The following CDH12 variants were observed in gnomAD, a reference collection of about 807,000 sequenced individuals.
The protein encoded by CDH12 is cadherin 12.
Under a neutral mutation model 74.1 loss-of-function variants are expected in CDH12, and 41 were observed. The observed-to-expected ratio is 0.55, with a 90% CI of 0.43 to 0.72. The LOEUF is 0.72. CDH12 is among the 30% of genes least tolerant of loss of function. The pLI is 0.00. For synonymous variants in CDH12, 399 were observed against 355.0 expected (o/e 1.12, Z -1.39); for missense variants, 945 against 977.2 (o/e 0.97, Z 0.44).
intron 2 of CDH12, among the ~76,000 whole-genome samples, chr5:22,425,135 TTA>T (rs201689070): frequency 0.027 from 2,653 of 97,980 alleles, 64 homozygotes; most frequent in East Asian, 0.15. Flanking sequence ...ATATGTAAAA[TTA>T]TATATATGTG....
chr5:22,627,127 AAG>A (rs2126850826), intron 1 of CDH12, among the ~76,000 whole-genome samples: 1 of 152,238 alleles, frequency 6.6e-6, no homozygotes, highest in South Asian at 2.1e-4. Context: ...GTATCCCTAA[AAG>A]AGAGGGAGAT....
At chr5:21,753,070 G>A (rs1382471729) in intron 14 of CDH12, among the ~76,000 whole-genome samples, 3 of 152,118 alleles carry the variant, frequency 2.0e-5, no homozygotes, top group Non-Finnish European at 4.4e-5. Flanking sequence ...TACTATGCAT[G>A]AATAGGCACA....
intron 1 of CDH12, among the ~76,000 whole-genome samples, chr5:22,664,039 C>T (rs1258824051): frequency 6.6e-6 from 1 of 151,930 alleles, no homozygotes; most frequent in Non-Finnish European, 1.5e-5. Flanking sequence ...ATGCAGATTA[C>T]CGTGTATTAA....
chr5:22,315,140 T>TTTTTTTTTTTTTTTTG (rs1738574491), intron 3 of CDH12, among the ~76,000 whole-genome samples: 1 of 133,348 alleles, frequency 7.5e-6, no homozygotes, highest in East Asian at 2.2e-4. Context: ...TTTTTTTTTT[T>TTTTTTTTTTTTTTTTG]TTTAGTAGAG....
rs531758661 is a variant in CDH12, at chr5:22,261,933, T to A, written c.-332-49290A>T. On this transcript the variant is annotated intron_variant, in intron 3 of 14. Transcript: ENST00000382254. ...TTTTTACATAGACAACTATGTAAAC[T>A]ATGTCAAGGCCCTATTTAGAGAAAG... is the stretch of plus-strand genomic sequence containing the variant. Among the ~76,000 whole-genome samples the A allele has an allele frequency of 9.9e-5, 15 of 152,172 alleles. No individual in the cohort carries two copies. In the South Asian group the frequency reaches 1.2e-3, roughly 13 times the overall value.
intron 3 of CDH12, among the ~76,000 whole-genome samples, chr5:22,218,979 CTT>C: frequency 6.6e-6 from 1 of 151,784 alleles, no homozygotes; most frequent in South Asian, 2.1e-4. Context: ...CAACTTTAAA[CTT>C]AATGTCCTAG....
At chr5:21,906,161 G>A (rs1010740061) in intron 6 of CDH12, among the ~76,000 whole-genome samples, 3 of 152,006 alleles carry the variant, frequency 2.0e-5, no homozygotes, top group East Asian at 1.9e-4. Context: ...TAGGTTTGAC[G>A]GTGGTCAAGA....
intron 3 of CDH12, among the ~76,000 whole-genome samples, chr5:22,351,871 A>G (rs542508962): frequency 1.3e-5 from 2 of 152,288 alleles, no homozygotes; most frequent in African/African-American, 4.8e-5. Context: ...ATTTTTTCTT[A>G]CTATCAGCTT....
In CDH12 at chr5:22,422,061, C is replaced by T. The variant is rs115308195; in HGVS notation, c.-427-16710G>A. On this transcript the variant is annotated intron_variant, in intron 2 of 14. Transcript: ENST00000382254. The stretch of plus-strand genomic sequence containing the variant: ...AATACTCTTTATTTCTCTTTGAATT[C>T]TCTTTCTTTCTTTCTCTTGCCTGAT... 2.7e-3 allele frequency among the ~76,000 whole-genome samples: 404 copies of T among 152,012 alleles called. 2 individuals carry two copies. The highest frequency in any genetic ancestry group is 8.9e-3 in the African/African-American group (371 of 41,476).
chr5:22,461,175 G>A (rs1237594869), intron 2 of CDH12, among the ~76,000 whole-genome samples: 10 of 148,386 alleles, frequency 6.7e-5, no homozygotes, highest in South Asian at 2.2e-4. Context: ...CTACAGGTGC[G>A]TGCCACCACA....
At chr5:21,963,560 A>C (rs1158008997) in intron 6 of CDH12, among the ~76,000 whole-genome samples, 4 of 152,004 alleles carry the variant, frequency 2.6e-5, no homozygotes, top group Admixed American at 1.3e-4. Context: ...GATGCATAAA[A>C]CCTGTTTCCT....
At chr5:22,409,377 TAATAA>T (rs1447531595) in intron 2 of CDH12, among the ~76,000 whole-genome samples, 1 of 152,016 alleles carries the variant, frequency 6.6e-6, no homozygotes, top group Non-Finnish European at 1.5e-5. Context: ...ATTAAAAATA[TAATAA>T]AATAAAAAGA....
At chr5:22,292,011 A>G (rs1737407716) in intron 3 of CDH12, among the ~76,000 whole-genome samples, 1 of 152,162 alleles carries the variant, frequency 6.6e-6, no homozygotes, top group Admixed American at 6.5e-5. Context: ...AAGAGACTCA[A>G]AAACTAATGG....
intron 6 of CDH12, among the ~76,000 whole-genome samples, chr5:21,918,468 A>G (rs955469333): frequency 2.0e-5 from 3 of 152,028 alleles, no homozygotes; most frequent in African/African-American, 7.2e-5. Context: ...TAAAGGAAAA[A>G]GGTTTAATTG....
At chr5:22,522,036 A>C (rs1013435945) in intron 1 of CDH12, among the ~76,000 whole-genome samples, 2 of 152,226 alleles carry the variant, frequency 1.3e-5, no homozygotes, top group African/African-American at 4.8e-5. Flanking sequence ...TAAGCGTATC[A>C]GGAAAGTTTT....
At chr5:22,415,228 T>C (rs551029775) in intron 2 of CDH12, among the ~76,000 whole-genome samples, 149 of 95,160 alleles carry the variant, frequency 1.6e-3, no homozygotes, top group African/African-American at 7.1e-3. Flanking sequence ...TGACACAATG[T>C]TTTTTTTTGA....
chr5:22,231,522 C>A (rs1267235405), intron 3 of CDH12, among the ~76,000 whole-genome samples: 1 of 151,812 alleles, frequency 6.6e-6, no homozygotes, highest in Non-Finnish European at 1.5e-5. Context: ...AATGCTAGTG[C>A]CAAAATAACT....
At chr5:22,117,520 TATA>T (rs1177060323) in intron 4 of CDH12, among the ~76,000 whole-genome samples, 7 of 90,660 alleles carry the variant, frequency 7.7e-5, no homozygotes, top group African/African-American at 3.3e-4. Context: ...ATAATATATA[TATA>T]ATATATATAT....
intron 3 of CDH12, among the ~76,000 whole-genome samples, chr5:22,278,290 G>C (rs1736728208): frequency 6.6e-6 from 1 of 152,186 alleles, no homozygotes; most frequent in Non-Finnish European, 1.5e-5. Flanking sequence ...TCTGAGGTTT[G>C]TTGATTTTGC....
Sources: allele counts gnomAD v4.1 joint callset (sites outside exome capture counted in the v4.1 genomes callset), GRCh38; gene constraint gnomAD v4.1.1; transcripts MANE v1.5; gene names NCBI Gene and HGNC (gene_info 2026-07-23, HGNC 2026-07-21).